NLGN1: variants seen among roughly 807,000 people sequenced by gnomAD.
NLGN1 encodes the protein neuroligin 1.
A neutral mutation model predicts 65.5 loss-of-function variants in NLGN1; 12 were observed. The observed-to-expected ratio is 0.18, with a 90% CI of 0.12 to 0.30. The LOEUF is 0.30. NLGN1 is among the 10% of genes least tolerant of loss of function. The pLI, the probability that NLGN1 is intolerant of heterozygous loss-of-function variation, is 1.00. For synonymous variants in NLGN1, 350 were observed against 359.5 expected (o/e 0.97, Z 0.30); for missense variants, 750 against 1,007.1 (o/e 0.74, Z 3.46).
At chr3:174,231,025 G>C (rs1577473460) in intron 4 of NLGN1, among the ~76,000 whole-genome samples, 1 of 152,154 alleles carries the variant, frequency 6.6e-6, no homozygotes, top group East Asian at 1.9e-4. Context: ...TACTGTCCTT[G>C]TTTCAAAGTT....
chr3:174,265,273 C>T (rs1052422936), intron 4 of NLGN1, among the ~76,000 whole-genome samples: 30 of 151,730 alleles, frequency 2.0e-4, no homozygotes, highest in Admixed American at 1.3e-3. Context: ...GCGCCACTCC[C>T]CCAGCCTCGC....
At chr3:174,176,998 G>A (rs886638615) in intron 4 of NLGN1, among the ~76,000 whole-genome samples, 2 of 151,994 alleles carry the variant, frequency 1.3e-5, no homozygotes, top group South Asian at 2.1e-4. Flanking sequence ...CGTAGCATAG[G>A]AGATGTTTAT....
At chr3:173,976,159 G>T (rs893497022) in intron 4 of NLGN1, among the ~76,000 whole-genome samples, 2 of 151,954 alleles carry the variant, frequency 1.3e-5, no homozygotes, top group African/African-American at 4.8e-5. Context: ...AAAATGTATT[G>T]CTCTCCTCCT....
Position 173,807,841 on chromosome 3 carries a change from A to G in NLGN1, c.646+9A>G. 1 of 1,611,676 alleles carries G rather than the reference A, an allele frequency of 6.2e-7. No homozygotes were observed. Among genetic ancestry groups the G allele is most frequent in the Non-Finnish European group, 8.5e-7 (1 of 1,178,006 alleles). ...TCGACTTGGAGTACTCGGTAAGAAG[A>G]GTCTCTCTTTTGTTTTCACCATGAA... On this transcript the variant is annotated intron_variant, in intron 4 of 6. Coordinates refer to ENST00000457714, the Ensembl canonical transcript of NLGN1.
chr3:174,042,685 T>G (rs1732614294), intron 4 of NLGN1, among the ~76,000 whole-genome samples: 1 of 152,234 alleles, frequency 6.6e-6, no homozygotes, highest in Non-Finnish European at 1.5e-5. Context: ...ACTGTTTTAT[T>G]TCATTTGTAA....
chr3:174,253,469 T>C (rs1381569325), intron 4 of NLGN1, among the ~76,000 whole-genome samples: 2 of 152,164 alleles, frequency 1.3e-5, no homozygotes, highest in African/African-American at 4.8e-5. Flanking sequence ...TCATTTCACC[T>C]CATGTATATT....
intron 4 of NLGN1, among the ~76,000 whole-genome samples, chr3:174,118,772 T>C (rs1181999990): frequency 6.6e-6 from 1 of 152,090 alleles, no homozygotes; most frequent in African/African-American, 2.4e-5. Context: ...GGAGAGGAGA[T>C]GTTACATCCA....
intron 4 of NLGN1, among the ~76,000 whole-genome samples, chr3:174,248,956 G>T (rs1744292344): frequency 6.6e-6 from 1 of 152,038 alleles, no homozygotes; most frequent in Admixed American, 6.6e-5. Context: ...TTCCTACTCT[G>T]TGGCTTCCCC....
intron 4 of NLGN1, among the ~76,000 whole-genome samples, chr3:173,950,296 A>T (rs1412963230): frequency 6.6e-6 from 1 of 152,200 alleles, no homozygotes; most frequent in Admixed American, 6.5e-5. Context: ...CTGACATAAA[A>T]ATATATTTAC....
intron 2 of NLGN1, among the ~76,000 whole-genome samples, chr3:173,474,281 CT>C (rs1273581041): frequency 6.6e-6 from 1 of 152,132 alleles, no homozygotes; most frequent in African/African-American, 2.4e-5. Context: ...TCATGAAAGA[CT>C]TCTCCTTCTT....
At chr3:174,056,544 T>G (rs980265620) in intron 4 of NLGN1, among the ~76,000 whole-genome samples, 1 of 152,008 alleles carries the variant, frequency 6.6e-6, no homozygotes, top group African/African-American at 2.4e-5. Context: ...TGGAGCAGGT[T>G]TTACTTTCAG....
chr3:174,243,128 T>C (rs67674136), intron 4 of NLGN1, among the ~76,000 whole-genome samples: 15,734 of 152,246 alleles, frequency 0.1, 1,207 homozygotes, highest in East Asian at 0.38. Flanking sequence ...GAAAACTGAA[T>C]AGATTATCTG....
At chr3:173,660,073 G>T (rs1760697458) in intron 3 of NLGN1, among the ~76,000 whole-genome samples, 1 of 149,090 alleles carries the variant, frequency 6.7e-6, no homozygotes, top group Non-Finnish European at 1.5e-5. Context: ...AGAAAATGTG[G>T]TACATGTTCT....
intron 2 of NLGN1, among the ~76,000 whole-genome samples, chr3:173,580,919 TC>T (rs34949874): frequency 0.52 from 79,106 of 151,730 alleles, 21,172 homozygotes; most frequent in East Asian, 0.84. Context: ...AAGTCAACTC[TC>T]CTATGATATA....
chr3:173,721,792 A>C (rs1348540269), intron 3 of NLGN1, among the ~76,000 whole-genome samples: 1 of 152,216 alleles, frequency 6.6e-6, no homozygotes, highest in Non-Finnish European at 1.5e-5. Context: ...AGCCACTAGC[A>C]CATGACTTAT....
intron 4 of NLGN1, among the ~76,000 whole-genome samples, chr3:173,941,722 T>C (rs1746135915): frequency 2.0e-5 from 3 of 151,864 alleles, no homozygotes; most frequent in African/African-American, 7.3e-5. Flanking sequence ...TACTATATAT[T>C]TGTAGAAAAA....
intron 4 of NLGN1, among the ~76,000 whole-genome samples, chr3:173,860,622 C>T (rs1284867155): frequency 6.6e-6 from 1 of 152,062 alleles, no homozygotes; most frequent in Admixed American, 6.6e-5. Flanking sequence ...GAAGAAATTG[C>T]CCTTGTTAAC....
chr3:173,457,631 T>C (rs1460903503), intron 2 of NLGN1, among the ~76,000 whole-genome samples: 2 of 152,130 alleles, frequency 1.3e-5, no homozygotes, highest in Non-Finnish European at 2.9e-5. Flanking sequence ...GTTAAATTCT[T>C]ATAGGCAAGC....
chr3:174,292,341 T>C, the NLGN1 span, among the ~76,000 whole-genome samples: 3 of 151,134 alleles, frequency 2.0e-5, no homozygotes, highest in Non-Finnish European at 3.0e-5. Flanking sequence ...GAACAAACCA[T>C]AGAAGGTGAA....
Sources: gnomAD v4.1 joint callset for allele counts (sites outside exome capture counted in the v4.1 genomes callset) on GRCh38, gnomAD v4.1.1 for gene constraint, MANE v1.5 for transcripts, NCBI Gene and HGNC (gene_info 2026-07-23, HGNC 2026-07-21) for gene names.